FBLN7: variants seen among roughly 807,000 people sequenced by gnomAD.
FBLN7 encodes the protein fibulin-7.
A neutral mutation model predicts 44.0 loss-of-function variants in FBLN7; 31 were observed. The observed-to-expected ratio is 0.70, with a 90% CI of 0.53 to 0.95. FBLN7 has a LOEUF of 0.95. Ranked by LOEUF, FBLN7 falls within the 40% of genes least tolerant of loss-of-function variation. FBLN7 has a pLI of 0.00. For synonymous variants in FBLN7, 262 were observed against 253.4 expected, an observed-to-expected ratio of 1.03 and a Z score of -0.32; for missense variants, 573 against 618.5, an observed-to-expected ratio of 0.93 and a Z score of 0.78.
chr2:112,244,123 G>T, the FBLN7 span, among the ~76,000 whole-genome samples: 23 of 151,696 alleles, frequency 1.5e-4, no homozygotes, highest in Non-Finnish European at 2.9e-4. Flanking sequence ...ATTCACAATC[G>T]CATAGAATTA....
chr2:112,199,406 T>C, the FBLN7 span, among the ~76,000 whole-genome samples: 2 of 152,138 alleles, frequency 1.3e-5, no homozygotes, highest in South Asian at 2.1e-4. Context: ...GCCACAACTT[T>C]TCAACATTGC....
chr2:112,191,237 G>A (rs938167885), downstream of FBLN7, among the ~76,000 whole-genome samples: 6 of 152,054 alleles, frequency 3.9e-5, no homozygotes, highest in Non-Finnish European at 8.8e-5. Context: ...GTGCAGTGGT[G>A]CAATCTTGGC....
At chr2:112,156,841 T>C (rs1681456220) in intron 1 of FBLN7, among the ~76,000 whole-genome samples, 1 of 152,156 alleles carries the variant, frequency 6.6e-6, no homozygotes. Context: ...GTCATCTGTT[T>C]GGTGAAATCT....
chr2:112,223,343 GATGTA>G, the FBLN7 span, among the ~76,000 whole-genome samples: 1 of 151,890 alleles, frequency 6.6e-6, no homozygotes, highest in African/African-American at 2.4e-5. Flanking sequence ...TATTAATTTA[GATGTA>G]ATGGACAAAT....
chr2:112,207,799 T>C, the FBLN7 span, among the ~76,000 whole-genome samples: 1 of 152,246 alleles, frequency 6.6e-6, no homozygotes, highest in Non-Finnish European at 1.5e-5. Flanking sequence ...TGCTCTGAAG[T>C]CTATTTTATT....
At chr2:112,225,145 G>A in the FBLN7 span, among the ~76,000 whole-genome samples, 1 of 152,076 alleles carries the variant, frequency 6.6e-6, no homozygotes, top group East Asian at 1.9e-4. Context: ...AGACTTTGCT[G>A]AATTTATTAA....
chr2:112,225,540 G>A, the FBLN7 span, among the ~76,000 whole-genome samples: 1 of 152,224 alleles, frequency 6.6e-6, no homozygotes, highest in Non-Finnish European at 1.5e-5. Flanking sequence ...AAGCTGGCCA[G>A]GCACAGTGGC....
chr2:112,156,905 C>T (rs1681458943), intron 1 of FBLN7, among the ~76,000 whole-genome samples: 1 of 152,080 alleles, frequency 6.6e-6, no homozygotes, highest in South Asian at 2.1e-4. Flanking sequence ...GGCTCCATTC[C>T]CACCGCGGTG....
At chr2:112,193,590 A>G in the FBLN7 span, among the ~76,000 whole-genome samples, 1 of 152,250 alleles carries the variant, frequency 6.6e-6, no homozygotes, top group African/African-American at 2.4e-5. Context: ...TGTTATTTTT[A>G]TTCCTTTTTT....
At chr2:112,144,907 TAAGCATTCA>T in intron 1 of FBLN7, among the ~76,000 whole-genome samples, 1 of 152,260 alleles carries the variant, frequency 6.6e-6, no homozygotes, top group South Asian at 2.1e-4. Context: ...ACAGCTGGTA[TAAGCATTCA>T]AAATATGCTT....
In FBLN7 at chr2:112,187,042, C is replaced by A; in HGVS notation, c.948-92C>A. 6.6e-7 allele frequency: 1 copy of A among 1,508,042 alleles called. No homozygotes were observed. The highest frequency in any genetic ancestry group is 8.9e-7 in the Non-Finnish European group (1 of 1,118,714). 93.4% of individuals were successfully genotyped at this position (1,508,042 alleles called of 1,614,324 possible). On this transcript the variant is annotated intron_variant, in intron 7 of 7. Coordinates refer to ENST00000331203, the MANE Select transcript of FBLN7 (RefSeq NM_153214.3). This position sits in a 1 kb window ranked among gnomAD's most constrained non-coding sequence, Gnocchi z 5.1. ...GGCTGGGAAAGGTCATCTAGGTGGCCTCTGCAAGAGGGCAGGTGGGCAGCC... is the reference window on the plus strand; with the variant it reads ...GGCTGGGAAAGGTCATCTAGGTGGCATCTGCAAGAGGGCAGGTGGGCAGCC...
chr2:112,212,380 T>G, the FBLN7 span: 3 of 152,246 alleles, frequency 2.0e-5, no homozygotes, highest in African/African-American at 7.2e-5. Context: ...TTTCTTAATG[T>G]GTGCTCTTTG....
At chr2:112,202,831 A>G in the FBLN7 span, among the ~76,000 whole-genome samples, 1 of 152,110 alleles carries the variant, frequency 6.6e-6, no homozygotes, top group Non-Finnish European at 1.5e-5. Flanking sequence ...ACAAGTTGGG[A>G]GCTTCTCAAA....
the FBLN7 span, among the ~76,000 whole-genome samples, chr2:112,203,449 A>C: frequency 1.3e-5 from 2 of 152,220 alleles, no homozygotes; most frequent in African/African-American, 4.8e-5. Context: ...CAGGAAAAAC[A>C]CTAAACAAAC....
At chr2:112,181,480 C>A (rs1392757115) in intron 4 of FBLN7, among the ~76,000 whole-genome samples, 1 of 152,154 alleles carries the variant, frequency 6.6e-6, no homozygotes, top group Non-Finnish European at 1.5e-5. Context: ...CTGTCCTTCT[C>A]GGGGTGCGGC....
At chr2:112,193,064 G>C (rs982775012), downstream of FBLN7, among the ~76,000 whole-genome samples, 1 of 152,212 alleles carries the variant, frequency 6.6e-6, no homozygotes. Flanking sequence ...TGTAATTACA[G>C]TCATCCCTTG....
At chr2:112,178,022 A>G (rs1406291235) in intron 4 of FBLN7, 3 of 148,846 alleles carry the variant, frequency 2.0e-5, no homozygotes, top group Non-Finnish European at 4.5e-5. Flanking sequence ...AAAAAAAAAT[A>G]GCAGGGTGTG....
rs147423265 is a variant in FBLN7 at position 112,182,792 on chromosome 2, C to T, written c.672C>T (p.Asp224=). The T allele has an allele frequency of 1.5e-3, 2,397 of 1,598,296 alleles. 4 individuals are homozygous for T. Among genetic ancestry groups the T allele is most frequent in the Non-Finnish European group, 1.9e-3 (2,190 of 1,173,288 alleles). The change falls in exon 6 of 8, where the codon GAC becomes GAT. Residue 224 remains aspartate (D), a splice_region_variant and synonymous_variant. Coordinates refer to ENST00000331203, the MANE Select transcript of FBLN7 (RefSeq NM_153214.3). ...CACAGTGAGCACTTCTGTCTGCAGA[C>T]GTGAACGAGTGTGAGCTCTACGGGC... ...SGAAGDSVCQ[D]VNECELYGQE...
the FBLN7 span, among the ~76,000 whole-genome samples, chr2:112,225,824 G>A: frequency 6.6e-6 from 1 of 151,508 alleles, no homozygotes; most frequent in Non-Finnish European, 1.5e-5. Context: ...GCTCACGCCT[G>A]TAATCCCAGC....
Sources: gnomAD v4.1 joint callset for allele counts (sites outside exome capture counted in the v4.1 genomes callset) on GRCh38, gnomAD v4.1.1 for gene constraint, Gnocchi (gnomAD v3.1) non-coding constraint, MANE v1.5 for transcripts, NCBI Gene and HGNC (gene_info 2026-07-23, HGNC 2026-07-21) for gene names.